The following BDH1 variants were observed in gnomAD, a reference collection of about 807,000 sequenced individuals.
The protein encoded by BDH1 is D-beta-hydroxybutyrate dehydrogenase, mitochondrial.
In BDH1, 30 loss-of-function variants were observed where a neutral mutation model predicts 33.1. That is an observed-to-expected ratio of 0.91 (90% CI 0.68 to 1.23). The LOEUF (loss-of-function observed/expected upper bound fraction) is 1.23, where lower values mean the gene tolerates loss of function less well. BDH1 is among the 50% of genes most tolerant of loss of function. The probability of loss-of-function intolerance (pLI) is 0.00; values close to 1 mark genes in which losing one functional copy is unlikely to be tolerated. For synonymous variants in BDH1, 190 were observed against 183.6 expected (o/e 1.03, Z -0.28); for missense variants, 443 against 464.4 (o/e 0.95, Z 0.42).
chr3:197,546,542 G>A lies in BDH1; in HGVS notation c.-43-56C>T, dbSNP rs114349310. On this transcript the variant is annotated intron_variant, in intron 2 of 7. Coordinates refer to ENST00000392379, the MANE Select transcript of BDH1 (RefSeq NM_203314.3). ...TTGTTGCCTTCCGGGCTTTAATCAGGAGCAGTCATGTTCCTTTCAGGTTGT... is the reference window on the plus strand; with the variant it reads ...TTGTTGCCTTCCGGGCTTTAATCAGAAGCAGTCATGTTCCTTTCAGGTTGT... 3,486 of 1,202,488 alleles carry A rather than the reference G, an allele frequency of 2.9e-3. 89 individuals are homozygous for A. In the African/African-American group the frequency reaches 0.046, roughly 16 times the overall value. 74.5% of individuals were successfully genotyped at this position (1,202,488 alleles called of 1,614,324 possible).
Position 197,516,628 on chromosome 3 carries a change from C to T in BDH1, c.410-2212G>A, listed in dbSNP as rs999048691. On this transcript the variant is annotated intron_variant, in intron 6 of 7. Coordinates refer to ENST00000392379, the MANE Select transcript of BDH1 (RefSeq NM_203314.3). This position sits in a 1 kb window ranked among gnomAD's most constrained non-coding sequence, Gnocchi z 4.2. ...TCTCCTCATCCCATCTCCTGTCTCG[C>T]TTCCACCTGAATGTCCCACGGGTCC... 1.6e-4 allele frequency among the ~76,000 whole-genome samples: 24 copies of T among 152,240 alleles called. No homozygotes were observed. The highest frequency in any genetic ancestry group is 5.5e-4 in the African/African-American group (23 of 41,548).
At chr3:197,543,936 C>A (rs1261619656) in intron 3 of BDH1, among the ~76,000 whole-genome samples, 1 of 152,164 alleles carries the variant, frequency 6.6e-6, no homozygotes, top group African/African-American at 2.4e-5. Context: ...GAAAAGATTT[C>A]TCCTCAATAA....
intron 3 of BDH1, among the ~76,000 whole-genome samples, chr3:197,542,498 C>G (rs1281683712): frequency 1.4e-5 from 2 of 145,788 alleles, no homozygotes; most frequent in African/African-American, 5.2e-5. Context: ...TCGAGATGGT[C>G]AACACGCTTT....
intron 5 of BDH1, among the ~76,000 whole-genome samples, chr3:197,532,069 C>T (rs781723046): frequency 1.3e-5 from 2 of 152,212 alleles, no homozygotes; most frequent in African/African-American, 4.8e-5. Flanking sequence ...CTGCTTCACT[C>T]GAATTCTTCA....
chr3:197,547,027 C>T (rs892398187), intron 2 of BDH1, among the ~76,000 whole-genome samples: 1 of 152,170 alleles, frequency 6.6e-6, no homozygotes, highest in African/African-American at 2.4e-5. Flanking sequence ...GGGGCTCTGG[C>T]TCTGAGGCTG....
At chr3:197,562,314 C>T (rs542299249) in intron 1 of BDH1, among the ~76,000 whole-genome samples, 3 of 152,244 alleles carry the variant, frequency 2.0e-5, no homozygotes, top group African/African-American at 7.2e-5. Context: ...TGCTTTTTCT[C>T]CCATAATTAA....
intron 1 of BDH1, among the ~76,000 whole-genome samples, chr3:197,567,755 T>C (rs2163498): frequency 0.4 from 60,547 of 151,864 alleles, 12,792 homozygotes; most frequent in African/African-American, 0.51. Context: ...TTTGGGGGTT[T>C]ATGGAGGGAA....
chr3:197,571,820 T>C (rs1717615590), intron 1 of BDH1, among the ~76,000 whole-genome samples: 1 of 152,198 alleles, frequency 6.6e-6, no homozygotes, highest in African/African-American at 2.4e-5. Flanking sequence ...CTCAACACTT[T>C]GGGAGAACAA....
chr3:197,562,959 C>T (rs1159957148), intron 1 of BDH1, among the ~76,000 whole-genome samples: 1 of 152,154 alleles, frequency 6.6e-6, no homozygotes, highest in Non-Finnish European at 1.5e-5. Context: ...GTCCGTTTTT[C>T]TCTATTTTCC....
chr3:197,559,312 T>C (rs888068346), upstream of BDH1, among the ~76,000 whole-genome samples: 1 of 152,184 alleles, frequency 6.6e-6, no homozygotes, highest in Non-Finnish European at 1.5e-5. Context: ...AACTGAACTT[T>C]AATAATTGGA....
chr3:197,530,341 A>G (rs746208088), intron 5 of BDH1: 3 of 152,158 alleles, frequency 2.0e-5, no homozygotes, highest in Non-Finnish European at 2.9e-5. Flanking sequence ...CTGATCTAAG[A>G]GCAATCTCAC....
chr3:197,555,977 C>A (rs1255143960), upstream of BDH1: 1 of 152,240 alleles, frequency 6.6e-6, no homozygotes, highest in Admixed American at 6.5e-5. Flanking sequence ...ACACGCGAAG[C>A]GCGCGCTGGG....
rs1010388469 is a variant in BDH1 at position 197,530,670 on chromosome 3, A to C, written c.267+1742T>G. 5 of 152,670 alleles carry C rather than the reference A, an allele frequency of 3.3e-5. No homozygotes were observed. The East Asian group carries it at 9.6e-4, about 29-fold the overall frequency. The allele number at this position is 152,670 out of a possible 1,614,324, so 9.5% of individuals were successfully genotyped here. ...TTATTTGTAATTGCAAAATATTGAA[A>C]ACACCTAAATGCTCATTTACAGGAG... On this transcript the variant is annotated intron_variant, in intron 5 of 7. Transcript: ENST00000392379.
intron 1 of BDH1, among the ~76,000 whole-genome samples, chr3:197,565,511 C>A (rs1349014082): frequency 2.6e-5 from 4 of 152,030 alleles, no homozygotes; most frequent in Non-Finnish European, 5.9e-5. Context: ...AAAAATCATA[C>A]AGGAAACTTT....
At position 197,554,622 on chromosome 3, in the gene BDH1, T is replaced by A. The variant is rs992720565; in HGVS notation, c.-104A>T. The A allele has an allele frequency of 2.6e-5, 4 of 151,836 alleles. No homozygotes were observed. The highest frequency in any genetic ancestry group is 1.5e-5 in the Non-Finnish European group (1 of 68,012). The allele number at this position is 151,836 out of a possible 1,614,324, so 9.4% of individuals were successfully genotyped here. ...CGCGAGGCCTGCAGGCGGCCCTCCA[T>A]AGTGAAATATGTGCTTCTGCAACCC... On this transcript the variant is annotated 5_prime_UTR_variant, in exon 2 of 8. An upstream start codon of the reference 5' UTR is lost. Coordinates refer to ENST00000392379, the MANE Select transcript of BDH1 (RefSeq NM_203314.3). The surrounding 1 kb of genome is among the most constrained non-coding windows in gnomAD (Gnocchi z 4.4).
chr3:197,548,504 A>C (rs1219148069), intron 2 of BDH1, among the ~76,000 whole-genome samples: 1 of 152,246 alleles, frequency 6.6e-6, no homozygotes, highest in Non-Finnish European at 1.5e-5. Context: ...GTTTTCCTTG[A>C]AGTCAGCCAT....
At chr3:197,569,735 C>A (rs9868824) in intron 1 of BDH1, among the ~76,000 whole-genome samples, 9,260 of 152,232 alleles carry the variant, frequency 0.061, 381 homozygotes, top group African/African-American at 0.1. Flanking sequence ...GATTGTGAGG[C>A]CTCCCCAGCC....
At position 197,528,299 on chromosome 3, in the gene BDH1, A is replaced by AGTAAGT. The variant is rs776236688; in HGVS notation, c.267+4112_267+4113insACTTAC. ...TGGTGTAGGTCTGTATGAGTGAGTG[A>AGTAAGT]GTGAGTGTGTGTGTGTGTGTGTGTG... On this transcript the variant is annotated intron_variant, in intron 5 of 7. Coordinates refer to ENST00000392379, the MANE Select transcript of BDH1 (RefSeq NM_203314.3). The surrounding 1 kb of genome is among the most constrained non-coding windows in gnomAD (Gnocchi z 5.1). 91 of 145,012 alleles carry AGTAAGT rather than the reference A, an allele frequency of 6.3e-4. No individual in the cohort carries two copies. The highest frequency in any genetic ancestry group is 2.4e-3 in the African/African-American group (88 of 36,050). The allele number at this position is 145,012 out of a possible 1,614,324, so 9.0% of individuals were successfully genotyped here. A position where few individuals can be genotyped will look rare whatever the true frequency, so the allele number is the denominator to read the frequency against.
upstream of BDH1, among the ~76,000 whole-genome samples, chr3:197,559,131 T>A (rs1465410996): frequency 6.6e-6 from 1 of 151,850 alleles, no homozygotes; most frequent in East Asian, 1.9e-4. Context: ...GCCTCCCAAG[T>A]AGCTGGGACA....
Sources: allele counts gnomAD v4.1 joint callset (sites outside exome capture counted in the v4.1 genomes callset), GRCh38; gene constraint gnomAD v4.1.1; non-coding constraint Gnocchi (gnomAD v3.1); transcripts MANE v1.5; gene names NCBI Gene and HGNC (gene_info 2026-07-23, HGNC 2026-07-21).